Variants in ZFHX3 observed in about 807,000 individuals in gnomAD.
ZFHX3 encodes the protein zinc finger homeobox protein 3.
Under a neutral mutation model 279.1 loss-of-function variants are expected in ZFHX3, and 42 were observed. The ratio of observed to expected loss-of-function variants is 0.15; its 90% CI spans 0.12 to 0.19. The LOEUF is 0.19. Ranked by LOEUF, ZFHX3 falls within the 10% of genes least tolerant of loss-of-function variation. The probability of loss-of-function intolerance (pLI) is 1.00; values close to 1 mark genes in which losing one functional copy is unlikely to be tolerated. For synonymous variants in ZFHX3, 2,293 were observed against 1,957.8 expected (o/e 1.17, Z -4.52); for missense variants, 4,981 against 4,754.0 (o/e 1.05, Z -1.40).
intron 1 of ZFHX3, among the ~76,000 whole-genome samples, chr16:73,765,519 C>CCACCTCCCGG (rs2053923017): frequency 6.6e-6 from 1 of 152,196 alleles, no homozygotes; most frequent in Admixed American, 6.5e-5. Flanking sequence ...ATCAACTGTT[C>CCACCTCCCGG]ATGGCTCTTG....
chr16:73,322,492 G>A (rs564904408), intron 3 of ZFHX3, among the ~76,000 whole-genome samples: 1 of 152,170 alleles, frequency 6.6e-6, no homozygotes, highest in South Asian at 2.1e-4. Context: ...TTTAGCTTCG[G>A]GTGTTGCAGT....
chr16:73,642,147 C>A (rs2052579078), intron 2 of ZFHX3, among the ~76,000 whole-genome samples: 1 of 152,166 alleles, frequency 6.6e-6, no homozygotes, highest in African/African-American at 2.4e-5. Context: ...AATTCCCAGT[C>A]TCTCGTGAAA....
intron 1 of ZFHX3, among the ~76,000 whole-genome samples, chr16:73,694,530 G>C (rs1237578634): frequency 1.3e-5 from 2 of 151,906 alleles, no homozygotes; most frequent in African/African-American, 4.8e-5. Flanking sequence ...TTTTAGTAGA[G>C]ACGTGGTTTC....
intron 4 of ZFHX3, among the ~76,000 whole-genome samples, chr16:73,266,120 G>A (rs2013965688): frequency 6.6e-6 from 1 of 152,230 alleles, no homozygotes; most frequent in South Asian, 2.1e-4. Context: ...TCATCAAAAT[G>A]TGGCAGGGCA....
At chr16:73,202,390 G>A (rs2011638133) in intron 5 of ZFHX3, among the ~76,000 whole-genome samples, 1 of 152,196 alleles carries the variant, frequency 6.6e-6, no homozygotes, top group Admixed American at 6.5e-5. Context: ...GAAATATGAA[G>A]CCTGAGAAGA....
upstream of ZFHX3, chr16:73,048,169 AG>A: frequency 6.6e-6 from 1 of 150,908 alleles, no homozygotes; most frequent in Non-Finnish European, 1.5e-5. Context: ...CGCCCGGGGA[AG>A]GGGGGCGGGC....
At chr16:73,063,471 T>C (rs185659177), upstream of ZFHX3, among the ~76,000 whole-genome samples, 163 of 152,312 alleles carry the variant, frequency 1.1e-3, no homozygotes, top group South Asian at 4.4e-3. Context: ...GGTGCGCTTC[T>C]TCTGAGCGTC....
At chr16:72,836,517 C>T (rs559486118) in intron 4 of ZFHX3, among the ~76,000 whole-genome samples, 1 of 152,264 alleles carries the variant, frequency 6.6e-6, no homozygotes, top group South Asian at 2.1e-4. Flanking sequence ...TTTTTGCTTA[C>T]CACAAATACA....
intron 2 of ZFHX3, among the ~76,000 whole-genome samples, chr16:73,563,044 A>C (rs766053776): frequency 6.6e-6 from 1 of 152,156 alleles, no homozygotes; most frequent in Non-Finnish European, 1.5e-5. Flanking sequence ...GGAAAATTTC[A>C]GTTAACCAGC....
At position 72,783,383 on chromosome 16, in the gene ZFHX3, C is replaced by T. The variant is rs1490866096; in HGVS notation, c.*3781G>A. The T allele has an allele frequency of 1.3e-5, 2 of 152,302 alleles. No individual in the cohort carries two copies. The highest frequency in any genetic ancestry group is 1.3e-4 in the Admixed American group (2 of 15,248). 9.4% of individuals were successfully genotyped at this position (152,302 alleles called of 1,614,324 possible). A position where few individuals can be genotyped will look rare whatever the true frequency, so the allele number is the denominator to read the frequency against. The stretch of plus-strand genomic sequence containing the variant: ...GCGCCAACAAACAACTCAATTTATG[C>T]TTCTATTTAAAATGTTTTAATTTAT... On this transcript the variant is annotated 3_prime_UTR_variant, in exon 10 of 10. Coordinates refer to ENST00000268489, the MANE Select transcript of ZFHX3 (RefSeq NM_006885.4).
rs551627589 is a variant in ZFHX3, at chr16:73,476,583, T to G, written c.-1546-20325A>C. On this transcript the variant is annotated intron_variant, in intron 2 of 17. Coordinates refer to the ZFHX3 transcript ENST00000641206. ...TTGTAAATTTAAACCACTACAATTT[T>G]TAATTGATTTAACATTGCAGCAAGT... Among the ~76,000 whole-genome samples the G allele has an allele frequency of 2.3e-4, 35 of 152,312 alleles. No individual in the cohort carries two copies. In the South Asian group the frequency reaches 5.2e-3, roughly 23 times the overall value.
At chr16:73,407,663 C>G (rs542373437) in intron 3 of ZFHX3, among the ~76,000 whole-genome samples, 1 of 152,196 alleles carries the variant, frequency 6.6e-6, no homozygotes, top group South Asian at 2.1e-4. Flanking sequence ...CACACACACT[C>G]GCTCCCTCCC....
intron 3 of ZFHX3, among the ~76,000 whole-genome samples, chr16:73,434,146 T>C (rs1381587173): frequency 6.6e-6 from 1 of 152,238 alleles, no homozygotes; most frequent in Admixed American, 6.5e-5. Flanking sequence ...GAGGCCCATC[T>C]ATTTGCTGAT....
At chr16:73,437,756 T>C (rs1840855068) in intron 3 of ZFHX3, among the ~76,000 whole-genome samples, 1 of 152,232 alleles carries the variant, frequency 6.6e-6, no homozygotes, top group African/African-American at 2.4e-5. Context: ...AGGCTAAAAC[T>C]GTTTCCAAGT....
chr16:73,464,016 T>C (rs1314327709), intron 2 of ZFHX3, among the ~76,000 whole-genome samples: 2 of 152,176 alleles, frequency 1.3e-5, no homozygotes, highest in East Asian at 3.8e-4. Context: ...GATGCAGAAA[T>C]GAACATTTAA....
intron 3 of ZFHX3, among the ~76,000 whole-genome samples, chr16:72,890,732 G>A (rs2038752949): frequency 6.6e-6 from 1 of 152,158 alleles, no homozygotes; most frequent in African/African-American, 2.4e-5. Flanking sequence ...TTAGATCAGG[G>A]GTTGGCAAAC....
At chr16:73,105,994 C>T (rs565302961) in intron 7 of ZFHX3, among the ~76,000 whole-genome samples, 85 of 145,680 alleles carry the variant, frequency 5.8e-4, no homozygotes, top group South Asian at 5.7e-3. Context: ...CCGCCCGGAA[C>T]GCCAGCCTCA....
intron 3 of ZFHX3, among the ~76,000 whole-genome samples, chr16:73,393,379 C>G (rs559437105): frequency 1.3e-5 from 2 of 152,184 alleles, no homozygotes; most frequent in African/African-American, 4.8e-5. Context: ...AGTATTTTAC[C>G]GTTCCTGATA....
At chr16:73,872,141 T>C (rs1039298563) in intron 1 of ZFHX3, among the ~76,000 whole-genome samples, 6 of 152,222 alleles carry the variant, frequency 3.9e-5, no homozygotes, top group Admixed American at 6.5e-5. Context: ...CATTCCGCAA[T>C]TGGTTCCCAA....
Sources: allele counts gnomAD v4.1 joint callset (sites outside exome capture counted in the v4.1 genomes callset), GRCh38; gene constraint gnomAD v4.1.1; transcripts MANE v1.5; gene names NCBI Gene and HGNC (gene_info 2026-07-23, HGNC 2026-07-21).